Variants in RBFOX1 observed in about 807,000 individuals in gnomAD.
RBFOX1 encodes the protein RNA binding fox-1 homolog 1.
RBFOX1 carries 8 observed loss-of-function variants against 57.7 expected under a neutral mutation model. That is an observed-to-expected ratio of 0.14 (90% CI 0.08 to 0.25). RBFOX1 has a LOEUF of 0.25. RBFOX1 is among the 10% of genes least tolerant of loss of function. RBFOX1 has a pLI of 1.00. For synonymous variants in RBFOX1, 326 were observed against 222.4 expected, an observed-to-expected ratio of 1.47 and a Z score of -4.15; for missense variants, 611 against 548.5, an observed-to-expected ratio of 1.11 and a Z score of -1.14.
chr16:6,052,817 A>C, intron 1 of RBFOX1, among the ~76,000 whole-genome samples: 1 of 148,142 alleles, frequency 6.8e-6, no homozygotes, highest in East Asian at 2.0e-4. Flanking sequence ...AATAATAATA[A>C]TAATAATAAT....
chr16:6,465,259 TTTG>T (rs976373047), intron 2 of RBFOX1, among the ~76,000 whole-genome samples: 5 of 151,978 alleles, frequency 3.3e-5, no homozygotes, highest in Non-Finnish European at 5.9e-5. Context: ...GGAGTGAGGT[TTTG>T]TTGTTGTTAT....
intron 4 of RBFOX1, among the ~76,000 whole-genome samples, chr16:7,185,679 G>A (rs916360031): frequency 2.0e-5 from 3 of 152,092 alleles, no homozygotes; most frequent in African/African-American, 4.8e-5. Context: ...CTAGTTATGC[G>A]GTTTATCTTC....
intron 3 of RBFOX1, among the ~76,000 whole-genome samples, chr16:7,008,670 TCCCTTCC>T (rs1390021011): frequency 1.5e-3 from 8 of 5,424 alleles, no homozygotes; most frequent in Admixed American, 3.3e-3. Context: ...CCTCCCTCCC[TCCCTTCC>T]TCCTCCCTTC....
At chr16:6,784,620 C>G (rs564600628) in intron 3 of RBFOX1, among the ~76,000 whole-genome samples, 44 of 151,954 alleles carry the variant, frequency 2.9e-4, no homozygotes, top group African/African-American at 1.0e-3. Flanking sequence ...ATCACTGATA[C>G]TTTATTTAGT....
intron 1 of RBFOX1, among the ~76,000 whole-genome samples, chr16:6,183,177 G>GAAGAATAAT (rs1248616815): frequency 6.6e-6 from 1 of 152,074 alleles, no homozygotes; most frequent in East Asian, 1.9e-4. Context: ...TCGCCATGAA[G>GAAGAATAAT]AAGAATAATA....
intron 4 of RBFOX1, among the ~76,000 whole-genome samples, chr16:7,292,366 A>G (rs1363131355): frequency 1.4e-5 from 2 of 140,134 alleles, no homozygotes; most frequent in Non-Finnish European, 3.0e-5. Flanking sequence ...GTATTATGTT[A>G]TATATCATAT....
At chr16:7,296,397 T>C (rs529437215) in intron 4 of RBFOX1, among the ~76,000 whole-genome samples, 1 of 152,122 alleles carries the variant, frequency 6.6e-6, no homozygotes, top group Non-Finnish European at 1.5e-5. Context: ...AGCTGTTAAT[T>C]TTCATGCAGT....
chr16:7,334,724 A>T (rs558776610), intron 4 of RBFOX1, among the ~76,000 whole-genome samples: 1 of 152,194 alleles, frequency 6.6e-6, no homozygotes, highest in African/African-American at 2.4e-5. Flanking sequence ...CTCTGGACGT[A>T]TTACCCCAGT....
chr16:7,562,751 G>T (rs184584891), intron 5 of RBFOX1, among the ~76,000 whole-genome samples: 61 of 152,306 alleles, frequency 4.0e-4, no homozygotes, highest in African/African-American at 1.5e-3. Flanking sequence ...GAGGAGGAAG[G>T]TCCCAGAGGT....
At chr16:6,419,008 A>G (rs190167202) in intron 2 of RBFOX1, among the ~76,000 whole-genome samples, 82 of 152,288 alleles carry the variant, frequency 5.4e-4, no homozygotes, top group Non-Finnish European at 9.3e-4. Context: ...AACAGAGACC[A>G]TTTGCAGACT....
intron 1 of RBFOX1, among the ~76,000 whole-genome samples, chr16:6,187,533 C>G (rs1454340342): frequency 6.6e-6 from 1 of 152,116 alleles, no homozygotes; most frequent in Non-Finnish European, 1.5e-5. Context: ...CTAGCTCTCA[C>G]AAGTATTGTG....
chr16:6,332,928 A>G (rs2083214649), intron 2 of RBFOX1, among the ~76,000 whole-genome samples: 1 of 152,254 alleles, frequency 6.6e-6, no homozygotes, highest in South Asian at 2.1e-4. Flanking sequence ...CACCTTACAG[A>G]ACATGGGCCA....
chr16:5,908,740 G>A (rs1425100270), intron 4 of RBFOX1, among the ~76,000 whole-genome samples: 3 of 152,124 alleles, frequency 2.0e-5, no homozygotes, highest in East Asian at 3.9e-4. Context: ...GCTATAGACT[G>A]AATGTTTGTG....
chr16:7,197,998 CTTTTTTTTTT>C (rs945404947), intron 4 of RBFOX1, among the ~76,000 whole-genome samples: 3 of 55,598 alleles, frequency 5.4e-5, no homozygotes, highest in East Asian at 9.6e-4. Context: ...TTCTTTCTTT[CTTTTTTTTTT>C]TTTTTTTTTT....
chr16:6,123,117 A>G (rs1003874622), intron 1 of RBFOX1, among the ~76,000 whole-genome samples: 29 of 152,310 alleles, frequency 1.9e-4, no homozygotes, highest in Non-Finnish European at 3.1e-4. Context: ...GCTACACCTA[A>G]AATTGCCTTA....
At chr16:6,725,872 A>G (rs1267569118) in intron 3 of RBFOX1, among the ~76,000 whole-genome samples, 1 of 152,068 alleles carries the variant, frequency 6.6e-6, no homozygotes, top group East Asian at 1.9e-4. Context: ...TTCTCATTTG[A>G]TTTATCAGAG....
chr16:5,434,219 GATGAGGCCTTAGCAAA>G (rs1219864550), intron 1 of RBFOX1, among the ~76,000 whole-genome samples: 2 of 151,584 alleles, frequency 1.3e-5, no homozygotes, highest in Non-Finnish European at 2.9e-5. Flanking sequence ...AGTGGAGAAG[GATGAGGCCTTAGCAAA>G]ATGAGGCCTT....
At chr16:7,600,184 G>A (rs1403323359) in intron 9 of RBFOX1, among the ~76,000 whole-genome samples, 2 of 152,092 alleles carry the variant, frequency 1.3e-5, no homozygotes, top group African/African-American at 4.8e-5. Flanking sequence ...TGTCATCCAC[G>A]TACCTGCAAA....
At position 7,432,330 on chromosome 16, in the gene RBFOX1, A is replaced by T. The variant is rs112397700; in HGVS notation, c.28-85817A>T. ...CTCTGCACAAATAACTCCCAGAGAGAAGGGTAATCTGCTACCCCACTCATC... is the reference window on the plus strand; with the variant it reads ...CTCTGCACAAATAACTCCCAGAGAGTAGGGTAATCTGCTACCCCACTCATC... On this transcript the variant is annotated intron_variant, in intron 4 of 15. Transcript: ENST00000550418. 3.2e-3 allele frequency among the ~76,000 whole-genome samples: 494 copies of T among 152,286 alleles called. 1 individual carries two copies. The highest frequency in any genetic ancestry group is 0.012 in the African/African-American group (481 of 41,560).
Sources: allele counts gnomAD v4.1 joint callset (sites outside exome capture counted in the v4.1 genomes callset), GRCh38; gene constraint gnomAD v4.1.1; transcripts MANE v1.5; gene names NCBI Gene and HGNC (gene_info 2026-07-23, HGNC 2026-07-21).